NHS: variants seen among roughly 807,000 people sequenced by gnomAD.
NHS encodes the protein actin remodeling regulator NHS.
Under a neutral mutation model 72.5 loss-of-function variants are expected in NHS, and 5 were observed. The ratio of observed to expected loss-of-function variants is 0.07; its 90% CI spans 0.04 to 0.14. The LOEUF (loss-of-function observed/expected upper bound fraction) is 0.14, where lower values mean the gene tolerates loss of function less well. Ranked by LOEUF, NHS falls within the 10% of genes least tolerant of loss-of-function variation. The pLI is 1.00. For missense variants in NHS, 1,072 were observed against 1,355.7 expected, an observed-to-expected ratio of 0.79 and a Z score of 3.29; for synonymous variants, 464 against 547.7, an observed-to-expected ratio of 0.85 and a Z score of 2.13.
At chrX:17,635,585 A>C (rs1441788791) in intron 1 of NHS, 1 of 1,165,412 alleles carries the variant, frequency 8.6e-7, no homozygotes, top group African/African-American at 1.8e-5. Flanking sequence ...GGCCTGCTGC[A>C]TGCCCAAGAA....
intron 3 of NHS, among the ~76,000 whole-genome samples, chrX:17,712,391 CACAT>C (rs1423670732): frequency 2.0e-4 from 18 of 89,386 alleles, no homozygotes; most frequent in African/African-American, 6.8e-4. Flanking sequence ...CACACACACA[CACAT>C]ATATATATAT....
chrX:17,608,670 A>G (rs1220128214), intron 1 of NHS, among the ~76,000 whole-genome samples: 1 of 106,361 alleles, frequency 9.4e-6, no homozygotes, highest in Admixed American at 9.9e-5. Context: ...CAATGAAAAG[A>G]CTTTTTTTTT....
chrX:17,513,819 A>G (rs2065103464), intron 1 of NHS, among the ~76,000 whole-genome samples: 2 of 112,432 alleles, frequency 1.8e-5, no homozygotes, highest in Admixed American at 9.4e-5. Context: ...TTGAATGTCA[A>G]CTTGATTGAA....
intron 5 of NHS, among the ~76,000 whole-genome samples, 190 bp downstream of exon 5, chrX:17,721,823 G>A (rs1320526836): frequency 1.8e-5 from 2 of 111,380 alleles, no homozygotes; most frequent in African/African-American, 6.5e-5. Context: ...TGTTTTCCGC[G>A]GGCCACTTGT....
intron 1 of NHS, among the ~76,000 whole-genome samples, chrX:17,645,446 A>G (rs1440816718): frequency 8.9e-6 from 1 of 111,840 alleles, no homozygotes; most frequent in Admixed American, 9.5e-5. Context: ...AGAAGACTGC[A>G]TTCAAGCATC....
At chrX:17,395,186 A>T (rs1254204757) in intron 1 of NHS, among the ~76,000 whole-genome samples, 2 of 111,081 alleles carry the variant, frequency 1.8e-5, no homozygotes, top group Non-Finnish European at 3.8e-5. Context: ...AAAGAAAAAA[A>T]AAAAAGACAT....
At chrX:17,551,801 AGTAGACTGG>A (rs1197597646) in intron 1 of NHS, among the ~76,000 whole-genome samples, 2 of 111,643 alleles carry the variant, frequency 1.8e-5, no homozygotes, top group African/African-American at 3.3e-5. Flanking sequence ...TGTTCCCTGC[AGTAGACTGG>A]GCCTGCCACA....
At chrX:17,451,451 G>A (rs762056173) in intron 1 of NHS, among the ~76,000 whole-genome samples, 1 of 112,365 alleles carries the variant, frequency 8.9e-6, no homozygotes, top group African/African-American at 3.2e-5. Context: ...TAATGAATGC[G>A]TGTCATGCAC....
At chrX:17,566,600 G>A (rs67008580) in intron 1 of NHS, among the ~76,000 whole-genome samples, 33,628 of 110,365 alleles carry the variant, frequency 0.3, 3,847 homozygotes, top group East Asian at 0.71. Flanking sequence ...GCTGAGAGCC[G>A]AGAGAGACCT....
chrX:17,535,136 AC>A (rs1465375044), intron 1 of NHS, among the ~76,000 whole-genome samples: 1 of 110,797 alleles, frequency 9.0e-6, no homozygotes, highest in African/African-American at 3.3e-5. Flanking sequence ...CGTCTCACTT[AC>A]CCCCTCTCCC....
At chrX:17,562,417 C>T (rs1214553094) in intron 1 of NHS, among the ~76,000 whole-genome samples, 2 of 111,622 alleles carry the variant, frequency 1.8e-5, no homozygotes, top group Non-Finnish European at 3.8e-5. Context: ...TTGCTAATTC[C>T]CCAGAATTTC....
At chrX:17,535,867 C>A (rs903327238) in intron 1 of NHS, among the ~76,000 whole-genome samples, 2 of 111,020 alleles carry the variant, frequency 1.8e-5, no homozygotes, top group African/African-American at 3.3e-5. Flanking sequence ...CAGGTATGAG[C>A]CACTGCACCC....
At chrX:17,722,206 G>A (rs2066410642) in intron 5 of NHS, among the ~76,000 whole-genome samples, 1 of 112,040 alleles carries the variant, frequency 8.9e-6, no homozygotes, top group Non-Finnish European at 1.9e-5. Context: ...TGTGTACTGA[G>A]AGTGTGAATA....
intron 3 of NHS, among the ~76,000 whole-genome samples, chrX:17,698,796 A>G (rs1457786222): frequency 8.9e-6 from 1 of 111,757 alleles, no homozygotes; most frequent in Non-Finnish European, 1.9e-5. Context: ...TAGGAAATCT[A>G]TTAGTATCAT....
chrX:17,559,108 CT>C (rs759122674), intron 1 of NHS, among the ~76,000 whole-genome samples: 2 of 112,005 alleles, frequency 1.8e-5, no homozygotes, highest in Admixed American at 9.5e-5. Flanking sequence ...GCAAATCTAC[CT>C]GTTTTCTATG....
chrX:17,732,207 T>C lies in NHS; in HGVS notation c.4699T>C (p.Ser1567Pro), dbSNP rs764926341. 5.0e-6 allele frequency: 6 copies of C among 1,211,299 alleles called. No individual in the cohort carries two copies. In the East Asian group the frequency reaches 1.5e-4, roughly 30 times the overall value. The change falls in exon 9 of 9, where the codon TCA (serine) becomes CCA (proline). Residue 1567 changes from serine to proline, a missense_variant. Coordinates refer to ENST00000676302, the MANE Select transcript of NHS (RefSeq NM_001291867.2). The stretch of plus-strand genomic sequence containing the variant: ...GAGCACCGATGATGCCCATCAGGGG[T>C]CACAAGGGGCTGAGGCATTGTCCCC... Reference protein sequence around the residue: ...PQSTDDAHQGSQGAEALSPLS... With the variant: ...PQSTDDAHQGPQGAEALSPLS...
intron 1 of NHS, among the ~76,000 whole-genome samples, chrX:17,459,027 C>G (rs1008142336): frequency 8.9e-6 from 1 of 112,480 alleles, no homozygotes; most frequent in South Asian, 3.7e-4. Context: ...AGCATTTCTC[C>G]GGGAGGTCCC....
intron 1 of NHS, among the ~76,000 whole-genome samples, chrX:17,563,254 T>A (rs969058319): frequency 2.7e-5 from 3 of 112,665 alleles, no homozygotes; most frequent in African/African-American, 9.7e-5. Context: ...TGAGATGATG[T>A]CCTAGGATGG....
chrX:17,581,281 A>C (rs1364756558), intron 1 of NHS, among the ~76,000 whole-genome samples: 2 of 111,988 alleles, frequency 1.8e-5, no homozygotes, highest in African/African-American at 6.5e-5. Flanking sequence ...TGGAGAGAGA[A>C]CTGGGCCACG....
Sources: allele counts gnomAD v4.1 joint callset (sites outside exome capture counted in the v4.1 genomes callset), GRCh38; gene constraint gnomAD v4.1.1; transcripts MANE v1.5; gene names NCBI Gene and HGNC (gene_info 2026-07-23, HGNC 2026-07-21).